The following SLC25A26 variants were observed in gnomAD, a reference collection of about 807,000 sequenced individuals.
SLC25A26 encodes the protein mitochondrial S-adenosylmethionine carrier protein.
Under a neutral mutation model 37.8 loss-of-function variants are expected in SLC25A26, and 36 were observed. That is an observed-to-expected ratio of 0.95 (90% CI 0.73 to 1.26). The LOEUF is 1.26. Ranked by LOEUF, SLC25A26 falls within the 50% of genes most tolerant of loss-of-function variation. The pLI is 0.00. For synonymous variants in SLC25A26, 129 were observed against 122.5 expected (o/e 1.05, Z -0.35); for missense variants, 390 against 331.1 (o/e 1.18, Z -1.38).
intron 1 of SLC25A26, among the ~76,000 whole-genome samples, chr3:66,167,951 C>A (rs909109452): frequency 6.6e-5 from 10 of 151,490 alleles, no homozygotes; most frequent in Non-Finnish European, 1.5e-4. Flanking sequence ...GTTGGGAGTT[C>A]GAGGCCAGCC....
intron 5 of SLC25A26, among the ~76,000 whole-genome samples, chr3:66,333,556 G>A (rs564822807): frequency 2.6e-5 from 4 of 152,162 alleles, no homozygotes; most frequent in Non-Finnish European, 5.9e-5. Context: ...AAGCACCTCT[G>A]TTTGATTTGG....
intron 1 of SLC25A26, among the ~76,000 whole-genome samples, chr3:66,208,551 C>T (rs1235452075): frequency 1.3e-5 from 2 of 151,116 alleles, no homozygotes; most frequent in African/African-American, 4.9e-5. Flanking sequence ...CGGGACCCTC[C>T]CTGTAGCAGA....
intron 1 of SLC25A26, among the ~76,000 whole-genome samples, chr3:66,174,328 T>G (rs948868496): frequency 3.9e-5 from 6 of 152,190 alleles, no homozygotes; most frequent in Non-Finnish European, 7.3e-5. Context: ...ACTTTTGCAT[T>G]TATATGCACA....
chr3:66,357,977 A>G (rs1370766273), intron 6 of SLC25A26, among the ~76,000 whole-genome samples: 1 of 152,210 alleles, frequency 6.6e-6, no homozygotes, highest in Non-Finnish European at 1.5e-5. Flanking sequence ...ATGAGATTAT[A>G]CATGTAAAAT....
At chr3:66,139,068 C>T (rs563028966) in intron 1 of SLC25A26, among the ~76,000 whole-genome samples, 44 of 151,858 alleles carry the variant, frequency 2.9e-4, no homozygotes, top group Non-Finnish European at 5.1e-4. Context: ...TTCCTCTGCC[C>T]CAGGAGAATG....
intron 3 of SLC25A26, among the ~76,000 whole-genome samples, chr3:66,255,814 G>A (rs969715647): frequency 6.6e-6 from 1 of 152,182 alleles, no homozygotes; most frequent in Admixed American, 6.5e-5. Context: ...AGGCTCCGGA[G>A]GTACTGGAGG....
upstream of SLC25A26, among the ~76,000 whole-genome samples, chr3:66,217,552 CT>C (rs1305200365): frequency 0.029 from 4,250 of 145,928 alleles, 169 homozygotes; most frequent in African/African-American, 0.096. Context: ...TTTACATATA[CT>C]TTTTTTTTTT....
intron 5 of SLC25A26, among the ~76,000 whole-genome samples, chr3:66,319,234 C>G (rs1237868244): frequency 1.4e-5 from 2 of 147,740 alleles, no homozygotes; most frequent in Non-Finnish European, 3.0e-5. Context: ...TATTAGGAGC[C>G]TCATTATATA....
Position 66,350,479 on chromosome 3 carries a change from C to G in SLC25A26, c.498+4071C>G, listed in dbSNP as rs113120317. On this transcript the variant is annotated intron_variant, in intron 6 of 9. Coordinates refer to ENST00000354883, the MANE Select transcript of SLC25A26 (RefSeq NM_001379210.1). ...ATTTGTGGCCACATTTCACCTGATT[C>G]TTAGTACCTTATGTTTTCCCACATC... is the stretch of plus-strand genomic sequence containing the variant. Among the ~76,000 whole-genome samples the G allele has an allele frequency of 7.0e-3, 1,060 of 152,270 alleles. 15 individuals carry two copies. The highest frequency in any genetic ancestry group is 0.023 in the African/African-American group (969 of 41,572).
At chr3:66,268,710 A>C (rs1212682848) in intron 5 of SLC25A26, among the ~76,000 whole-genome samples, 1 of 152,116 alleles carries the variant, frequency 6.6e-6, no homozygotes, top group African/African-American at 2.4e-5. Flanking sequence ...TCCCCACCTA[A>C]ATCTCATCTT....
rs561085778 is a variant in SLC25A26 at position 66,145,915 on chromosome 3, G to A, written c.-354+11931G>A. ...AAAAAAGCAAATAACTAATAATAAC[G>A]TTCTACAAACATAAAGTTAACTTTT... On this transcript the variant is annotated intron_variant, in intron 1 of 10. Coordinates refer to the SLC25A26 transcript ENST00000676754. 4.5e-4 allele frequency among the ~76,000 whole-genome samples: 68 copies of A among 151,894 alleles called. 1 individual carries two copies. The highest frequency in any genetic ancestry group is 1.4e-3 in the African/African-American group (59 of 41,414).
At chr3:66,254,243 G>T (rs1223733225) in intron 3 of SLC25A26, among the ~76,000 whole-genome samples, 2 of 152,318 alleles carry the variant, frequency 1.3e-5, no homozygotes, top group East Asian at 3.9e-4. Context: ...ACACACAAAT[G>T]AACTGTTGTA....
At chr3:66,316,909 T>G (rs1159046480) in intron 5 of SLC25A26, among the ~76,000 whole-genome samples, 1 of 152,218 alleles carries the variant, frequency 6.6e-6, no homozygotes, top group Non-Finnish European at 1.5e-5. Context: ...TTGATACTTG[T>G]GTTGGCATTG....
intron 5 of SLC25A26, among the ~76,000 whole-genome samples, chr3:66,341,667 A>G (rs1253723253): frequency 6.6e-6 from 1 of 152,000 alleles, no homozygotes; most frequent in Non-Finnish European, 1.5e-5. Flanking sequence ...TCATGTGTTT[A>G]TTTTATGTTT....
chr3:66,154,905 A>T (rs186312750), intron 1 of SLC25A26, among the ~76,000 whole-genome samples: 107 of 152,348 alleles, frequency 7.0e-4, no homozygotes, highest in Middle Eastern at 3.4e-3. Flanking sequence ...AATCAGATAA[A>T]GTATGTATCA....
chr3:66,182,478 T>C (rs1401323723), intron 1 of SLC25A26, among the ~76,000 whole-genome samples: 1 of 152,042 alleles, frequency 6.6e-6, no homozygotes, highest in Non-Finnish European at 1.5e-5. Flanking sequence ...TTTTAGCCAT[T>C]AGGGATTTGA....
At chr3:66,184,532 C>A (rs1432153194) in intron 1 of SLC25A26, among the ~76,000 whole-genome samples, 1 of 152,194 alleles carries the variant, frequency 6.6e-6, no homozygotes. Context: ...TACCCTAACA[C>A]TTTAGCTGGG....
chr3:66,353,328 T>C (rs1050920190), intron 6 of SLC25A26, among the ~76,000 whole-genome samples: 2 of 152,200 alleles, frequency 1.3e-5, no homozygotes, highest in Non-Finnish European at 2.9e-5. Context: ...ACATCTCCTG[T>C]TCATCTTCAT....
intron 3 of SLC25A26, among the ~76,000 whole-genome samples, chr3:66,253,104 A>G (rs1431781961): frequency 6.6e-6 from 1 of 150,400 alleles, no homozygotes; most frequent in African/African-American, 2.5e-5. Flanking sequence ...TTGGCAGATA[A>G]TATTAAGAAT....
Sources: gnomAD v4.1 joint callset for allele counts (sites outside exome capture counted in the v4.1 genomes callset) on GRCh38, gnomAD v4.1.1 for gene constraint, MANE v1.5 for transcripts, NCBI Gene and HGNC (gene_info 2026-07-23, HGNC 2026-07-21) for gene names.